TBX4: variants seen among roughly 807,000 people sequenced by gnomAD.
TBX4 encodes T-box transcription factor TBX4.
TBX4 carries 13 observed loss-of-function variants against 54.6 expected under a neutral mutation model. The ratio of observed to expected loss-of-function variants is 0.24; its 90% CI spans 0.15 to 0.38. TBX4 has a LOEUF of 0.38. Among genes scored for constraint, TBX4 ranks in the 10% least tolerant of loss-of-function variants. The probability of loss-of-function intolerance (pLI) is 1.00; values close to 1 mark genes in which losing one functional copy is unlikely to be tolerated. For synonymous variants in TBX4, 314 were observed against 306.7 expected (o/e 1.02, Z -0.25); for missense variants, 631 against 728.5 (o/e 0.87, Z 1.54).
chr17:61,480,457 A>C lies in TBX4; in HGVS notation c.1021+138A>C, dbSNP rs2060656655. ...GTGTGGCCTGGGAGAGTGGGCCTGA[A>C]GGGTTAGGGATCACAGCTGGGCGCA... On this transcript the variant is annotated intron_variant, in intron 8 of 8. Coordinates refer to ENST00000644296, the MANE Select transcript of TBX4 (RefSeq NM_001321120.2). The surrounding 1 kb of genome is among the most constrained non-coding windows in gnomAD (Gnocchi z 6.2). 1.2e-6 allele frequency: 1 copy of C among 822,106 alleles called. No homozygotes were observed. Among genetic ancestry groups the C allele is most frequent in the East Asian group, 2.7e-5 (1 of 37,638 alleles). 50.9% of individuals were successfully genotyped at this position (822,106 alleles called of 1,614,324 possible). A position where few individuals can be genotyped will look rare whatever the true frequency, so the allele number is the denominator to read the frequency against.
At chr17:61,470,671 G>A (rs1459313730) in intron 5 of TBX4, among the ~76,000 whole-genome samples, 2 of 152,230 alleles carry the variant, frequency 1.3e-5, no homozygotes, top group Non-Finnish European at 2.9e-5. Context: ...CCAGGCGGGA[G>A]CAGAAAGGAC....
chr17:61,471,931 A>T (rs2060582982), intron 5 of TBX4, among the ~76,000 whole-genome samples: 3 of 128,942 alleles, frequency 2.3e-5, no homozygotes, highest in Non-Finnish European at 3.1e-5. Context: ...TTTAGTAGAG[A>T]CAGGGTTTCA....
At chr17:61,468,105 G>A (rs1355513402) in intron 5 of TBX4, among the ~76,000 whole-genome samples, 11 of 152,328 alleles carry the variant, frequency 7.2e-5, no homozygotes, top group East Asian at 1.9e-4. Flanking sequence ...CTTTTCGAGC[G>A]AGAGTCACGG....
In TBX4 at chr17:61,461,433, T is replaced by C. The variant is rs3785832; in HGVS notation, c.281+3802T>C. ...ATGCTGGGCCCTGGCCTCTTCCCCG[T>C]ACACCCAGGATTCCTCCTGAAAAGC... On this transcript the variant is annotated intron_variant, in intron 3 of 8. Coordinates refer to ENST00000644296, the MANE Select transcript of TBX4 (RefSeq NM_001321120.2). The surrounding 1 kb of genome is among the most constrained non-coding windows in gnomAD (Gnocchi z 5.1). Among the ~76,000 whole-genome samples, 66,030 of 151,972 alleles carry C rather than the reference T, an allele frequency of 0.43. 14,579 individuals are homozygous for C. The highest frequency in any genetic ancestry group is 0.62 in the East Asian group (3,205 of 5,158).
rs556014315 is a variant in TBX4 at position 61,479,327 on chromosome 17, G to A, written c.702+548G>A. ...CACTGACAGCCGTGCTCTGCCGCCC[G>A]TCTGCTTTCCACAGTATGCACACAG... is the stretch of plus-strand genomic sequence containing the variant. On this transcript the variant is annotated intron_variant, in intron 6 of 8. Transcript: ENST00000644296. The surrounding 1 kb of genome is among the most constrained non-coding windows in gnomAD (Gnocchi z 6.1). 7.2e-5 allele frequency among the ~76,000 whole-genome samples: 11 copies of A among 152,302 alleles called. No individual in the cohort carries two copies. The highest frequency in any genetic ancestry group is 8.8e-5 in the Non-Finnish European group (6 of 68,032).
chr17:61,483,291 T>C lies in TBX4; in HGVS notation c.1416T>C (p.Phe472=), dbSNP rs2060678885. 1 of 1,613,772 alleles carries C rather than the reference T, an allele frequency of 6.2e-7. No individual in the cohort carries two copies. Among genetic ancestry groups the C allele is most frequent in the Admixed American group, 1.7e-5 (1 of 59,990 alleles). ...QSSQPPGNAH[F]SVYNQLSQSQ... is the part of the protein sequence containing the mutation. The stretch of plus-strand genomic sequence containing the variant: ...CCCAGCCACCAGGAAATGCCCACTT[T>C]AGTGTCTACAATCAGCTCTCCCAGT... The change falls in exon 9 of 9, where the codon TTT becomes TTC. Residue 472 remains phenylalanine (F), a synonymous_variant. Coordinates refer to ENST00000644296, the MANE Select transcript of TBX4 (RefSeq NM_001321120.2). This position sits in a 1 kb window ranked among gnomAD's most constrained non-coding sequence, Gnocchi z 6.6.
chr17:61,455,926 CAG>C (rs1306156126), intron 1 of TBX4, among the ~76,000 whole-genome samples: 1 of 152,156 alleles, frequency 6.6e-6, no homozygotes, highest in African/African-American at 2.4e-5. Flanking sequence ...GTCTCTACCT[CAG>C]TGCTGTCTGA....
At position 61,457,854 on chromosome 17, in the gene TBX4, G is replaced by A. The variant is rs1034399963; in HGVS notation, c.281+223G>A. On this transcript the variant is annotated intron_variant, in intron 3 of 8. Coordinates refer to ENST00000644296, the MANE Select transcript of TBX4 (RefSeq NM_001321120.2). This position sits in a 1 kb window ranked among gnomAD's most constrained non-coding sequence, Gnocchi z 8.2. ...CCTTGCGGGAAAGACCGAGGGGAGG[G>A]GCAGCGCTATGCAAATGAATCCAAA... Among the ~76,000 whole-genome samples, 17 of 152,200 alleles carry A rather than the reference G, an allele frequency of 1.1e-4. No homozygotes were observed. In the East Asian group the frequency reaches 1.2e-3, roughly 10 times the overall value.
intron 5 of TBX4, among the ~76,000 whole-genome samples, chr17:61,470,242 C>T (rs2060567473): frequency 6.6e-6 from 1 of 152,196 alleles, no homozygotes; most frequent in South Asian, 2.1e-4. Context: ...CAGGGTGGCT[C>T]ATGTGTCTGC....
rs933383095 is a variant in TBX4, at chr17:61,484,774, G to A, written c.*1258G>A. 18 of 147,688 alleles carry A rather than the reference G, an allele frequency of 1.2e-4. No individual in the cohort carries two copies. Among genetic ancestry groups the A allele is most frequent in the African/African-American group, 3.4e-4 (14 of 40,590 alleles). The allele number at this position is 147,688 out of a possible 1,614,324, so 9.1% of individuals were successfully genotyped here. A position where few individuals can be genotyped will look rare whatever the true frequency, so the allele number is the denominator to read the frequency against. Reference sequence around the variant, plus strand: ...TAAATAAATATATATATTATATATCGCTCTCTCTCACAAATGCAGGCCACA... The same window carrying A: ...TAAATAAATATATATATTATATATCACTCTCTCTCACAAATGCAGGCCACA... On this transcript the variant is annotated 3_prime_UTR_variant, in exon 9 of 9. Coordinates refer to ENST00000644296, the MANE Select transcript of TBX4 (RefSeq NM_001321120.2). The surrounding 1 kb of genome is among the most constrained non-coding windows in gnomAD (Gnocchi z 4.1).
Position 61,464,972 on chromosome 17 carries a change from G to A in TBX4, c.282-847G>A, listed in dbSNP as rs983007952. Among the ~76,000 whole-genome samples, 7 of 152,176 alleles carry A rather than the reference G, an allele frequency of 4.6e-5. No homozygotes were observed. In the East Asian group the frequency reaches 5.8e-4, roughly 13 times the overall value. On this transcript the variant is annotated intron_variant, in intron 3 of 8. Coordinates refer to ENST00000644296, the MANE Select transcript of TBX4 (RefSeq NM_001321120.2). The surrounding 1 kb of genome is among the most constrained non-coding windows in gnomAD (Gnocchi z 5.8). ...TGAGGGAGGAGTGCAGCAGGGGTCCGTGGTAATTCACGCAGCAATCTATGA... is the reference window on the plus strand; with the variant it reads ...TGAGGGAGGAGTGCAGCAGGGGTCCATGGTAATTCACGCAGCAATCTATGA...
In TBX4 at chr17:61,480,903, TG is replaced by T. The variant is rs1569045196; in HGVS notation, c.1021+587del. ...TTCGTAAAGAGGAGGAGCCCGGAGC[TG>T]GGCACCATCACATCTGTGCTCTGTG... On this transcript the variant is annotated intron_variant, in intron 8 of 8. Coordinates refer to ENST00000644296, the MANE Select transcript of TBX4 (RefSeq NM_001321120.2). This position sits in a 1 kb window ranked among gnomAD's most constrained non-coding sequence, Gnocchi z 6.2. Among the ~76,000 whole-genome samples, 1 of 152,204 alleles carries T rather than the reference TG, an allele frequency of 6.6e-6. No homozygotes were observed. The highest frequency in any genetic ancestry group is 2.4e-5 in the African/African-American group (1 of 41,442).
chr17:61,483,410 A>C lies in TBX4; in HGVS notation c.1535A>C (p.Asn512Thr). ...CERKPPSPHLNAANEFLYSQT... is the reference protein window; with the variant it reads ...CERKPPSPHLTAANEFLYSQT... The stretch of plus-strand genomic sequence containing the variant: ...AGGAAGCCACCCTCGCCACATCTAA[A>C]TGCTGCCAATGAGTTTCTCTACTCT... Residue 512 changes from asparagine to threonine, a missense_variant, in exon 9 of 9, where the codon AAT becomes ACT. Asn to Thr is a moderately conservative substitution (Grantham distance 65). Around this residue, in one of 3 missense-constraint regions of TBX4, gnomAD observed 354 missense variants for 368.9 expected, o/e 0.96. Transcript: ENST00000644296. The surrounding 1 kb of genome is among the most constrained non-coding windows in gnomAD (Gnocchi z 6.6). 1 of 1,613,532 alleles carries C rather than the reference A, an allele frequency of 6.2e-7. No individual in the cohort carries two copies. The highest frequency in any genetic ancestry group is 8.5e-7 in the Non-Finnish European group (1 of 1,179,484).
chr17:61,452,860 T>G, intron 1 of TBX4: 1 of 929,672 alleles, frequency 1.1e-6, no homozygotes, highest in Non-Finnish European at 1.3e-6. Flanking sequence ...CATAGAAATA[T>G]CGACAGCGCC....
chr17:61,475,819 G>A lies in TBX4; in HGVS notation c.550-2808G>A, dbSNP rs775643313. ...CCCACGGTCTTTGTTCTCCCTTTGC[G>A]CTGCCACCTTTGGAGAGCTAGAGTG... On this transcript the variant is annotated intron_variant, in intron 5 of 8. Coordinates refer to ENST00000644296, the MANE Select transcript of TBX4 (RefSeq NM_001321120.2). This position sits in a 1 kb window ranked among gnomAD's most constrained non-coding sequence, Gnocchi z 5.0. Among the ~76,000 whole-genome samples the A allele has an allele frequency of 1.8e-4, 28 of 152,120 alleles. No individual in the cohort carries two copies. The highest frequency in any genetic ancestry group is 1.8e-4 in the Non-Finnish European group (12 of 68,034).
At position 61,481,019 on chromosome 17, in the gene TBX4, AT is replaced by A. The variant is rs1355245737; in HGVS notation, c.1021+701del. On this transcript the variant is annotated intron_variant, in intron 8 of 8. Coordinates refer to ENST00000644296, the MANE Select transcript of TBX4 (RefSeq NM_001321120.2). The surrounding 1 kb of genome is among the most constrained non-coding windows in gnomAD (Gnocchi z 4.8). ...TGGGGCTGCTGAAATTCCCTTCGGA[AT>A]GAGCCTGGGGACTTTTGCTTGCCTT... Among the ~76,000 whole-genome samples, 1 of 152,150 alleles carries A rather than the reference AT, an allele frequency of 6.6e-6. No individual in the cohort carries two copies. The highest frequency in any genetic ancestry group is 1.5e-5 in the Non-Finnish European group (1 of 68,024).
chr17:61,463,811 T>G (rs774507512), intron 3 of TBX4, among the ~76,000 whole-genome samples: 23 of 152,178 alleles, frequency 1.5e-4, no homozygotes, highest in Non-Finnish European at 3.4e-4. Flanking sequence ...GCTGTTTCTG[T>G]GGCAGTTACA....
intron 8 of TBX4, 73 bp from the exon 9 acceptor site, chr17:61,482,824 C>T: frequency 6.3e-7 from 1 of 1,591,016 alleles, no homozygotes; most frequent in Non-Finnish European, 8.5e-7. Context: ...CAGGCTGTCC[C>T]AGCATCCAAC....
chr17:61,460,465 T>G lies in TBX4; in HGVS notation c.281+2834T>G, dbSNP rs138165768. ...CTTTCACTGGATAGTGACTTTGAAC[T>G]GCCAAACAATTTGGCCTGGTGGATA... On this transcript the variant is annotated intron_variant, in intron 3 of 8. Coordinates refer to ENST00000644296, the MANE Select transcript of TBX4 (RefSeq NM_001321120.2). The surrounding 1 kb of genome is among the most constrained non-coding windows in gnomAD (Gnocchi z 4.4). 6.6e-6 allele frequency among the ~76,000 whole-genome samples: 1 copy of G among 152,330 alleles called. No homozygotes were observed. The highest frequency in any genetic ancestry group is 1.9e-4 in the East Asian group (1 of 5,178).
Sources: gnomAD v4.1 joint callset for allele counts (sites outside exome capture counted in the v4.1 genomes callset) on GRCh38, gnomAD v4.1.1 for gene constraint, gnomAD v4.1.1 regional missense constraint, Gnocchi (gnomAD v3.1) non-coding constraint, MANE v1.5 for transcripts, NCBI Gene and HGNC (gene_info 2026-07-23, HGNC 2026-07-21) for gene names.